TAF4: variants seen among roughly 807,000 people sequenced by gnomAD.
TAF4 encodes TATA-box binding protein associated factor 4.
TAF4 carries 9 observed loss-of-function variants against 90.3 expected under a neutral mutation model. The ratio of observed to expected loss-of-function variants is 0.10; its 90% CI spans 0.06 to 0.17. The LOEUF is 0.17. Among genes scored for constraint, TAF4 ranks in the 10% least tolerant of loss-of-function variants. The pLI is 1.00. For missense variants in TAF4, 1,351 were observed against 1,370.7 expected, an observed-to-expected ratio of 0.99 and a Z score of 0.23; for synonymous variants, 818 against 638.9, an observed-to-expected ratio of 1.28 and a Z score of -4.23.
chr20:62,055,590 G>A (rs948696479), intron 1 of TAF4, among the ~76,000 whole-genome samples: 2 of 152,164 alleles, frequency 1.3e-5, no homozygotes, highest in Non-Finnish European at 2.9e-5. Context: ...TGTACAGGCA[G>A]CCCTACAATA....
rs1265379184 is a variant in TAF4 at position 62,012,827 on chromosome 20, C to T, written c.1629G>A (p.Ser543=). 3.1e-6 allele frequency: 5 copies of T among 1,611,996 alleles called. No individual in the cohort carries two copies. The highest frequency in any genetic ancestry group is 2.2e-5 in the East Asian group (1 of 44,780). ...TVQPSATLQR[S]PGVQPQLVLG... ...CCTGCCCTCTCACCTGGACGCCGGG[C>T]GAGCGCTGCAGGGTTGCACTGGGCT... is the stretch of plus-strand genomic sequence containing the variant. The change falls in exon 3 of 15, where the codon TCG becomes TCA. Residue 543 remains serine (S), a synonymous_variant. Coordinates refer to ENST00000252996, the MANE Select transcript of TAF4 (RefSeq NM_003185.4).
rs2055750234 is a variant in TAF4 at position 62,006,989 on chromosome 20, C to A, written c.1975-231G>T. 2.2e-6 allele frequency: 1 copy of A among 452,088 alleles called. No homozygotes were observed. Among genetic ancestry groups the A allele is most frequent in the Non-Finnish European group, 3.6e-6 (1 of 275,524 alleles). The allele number at this position is 452,088 out of a possible 1,614,324, so 28.0% of individuals were successfully genotyped here. Reference sequence around the variant, plus strand: ...TCCAAAATGTGTTCAAGAAAACAAACAAAAAGAGACATATTTTTAAAAAAC... The same window carrying A: ...TCCAAAATGTGTTCAAGAAAACAAAAAAAAAGAGACATATTTTTAAAAAAC... On this transcript the variant is annotated intron_variant, in intron 6 of 14. Transcript: ENST00000252996. The surrounding 1 kb of genome is among the most constrained non-coding windows in gnomAD (Gnocchi z 7.0).
At chr20:61,999,191 C>T (rs1242638675) in intron 11 of TAF4, 83 bp from the exon 12 acceptor site, 22 of 1,528,364 alleles carry the variant, frequency 1.4e-5, no homozygotes, top group East Asian at 2.3e-5. Flanking sequence ...CTGGACCATC[C>T]GTGCACAACG....
At chr20:62,029,670 G>A (rs552648268) in intron 1 of TAF4, among the ~76,000 whole-genome samples, 18 of 152,318 alleles carry the variant, frequency 1.2e-4, no homozygotes, top group Middle Eastern at 3.4e-3. Flanking sequence ...CACTCTGGGA[G>A]GCCGAGGCAG....
intron 14 of TAF4, among the ~76,000 whole-genome samples, chr20:61,982,712 G>A (rs978135841): frequency 1.1e-4 from 16 of 149,950 alleles, no homozygotes; most frequent in African/African-American, 3.4e-4. Flanking sequence ...CACCCCACCC[G>A]AGAGGAGACA....
chr20:62,022,566 A>T (rs1469713525), intron 1 of TAF4, among the ~76,000 whole-genome samples: 1 of 152,170 alleles, frequency 6.6e-6, no homozygotes, highest in Non-Finnish European at 1.5e-5. Flanking sequence ...ACACGTGGTG[A>T]TGGCCCAGAT....
chr20:61,983,919 CGT>C (rs1226337670), intron 14 of TAF4, among the ~76,000 whole-genome samples: 1 of 152,122 alleles, frequency 6.6e-6, no homozygotes, highest in Non-Finnish European at 1.5e-5. Flanking sequence ...GACGGTCTGA[CGT>C]GTGACAAAGA....
chr20:61,981,870 C>A (rs1488264482), intron 14 of TAF4, among the ~76,000 whole-genome samples: 1 of 105,678 alleles, frequency 9.5e-6, no homozygotes, highest in East Asian at 2.5e-4. Flanking sequence ...AGAGGAGACA[C>A]CAAACTCACA....
At chr20:62,034,970 A>G (rs6061971) in intron 1 of TAF4, among the ~76,000 whole-genome samples, 151,359 of 151,400 alleles carry the variant, frequency 1, 75,659 homozygotes, top group Middle Eastern at 1. Context: ...ACAGGCACCC[A>G]CCACCATGCC....
intron 14 of TAF4, among the ~76,000 whole-genome samples, chr20:61,989,202 C>T (rs1447491919): frequency 3.9e-5 from 6 of 152,064 alleles, no homozygotes; most frequent in South Asian, 2.1e-4. Context: ...ATTTGGGTCC[C>T]GAGCTCTGGC....
At chr20:61,997,465 A>G (rs778888238) in intron 14 of TAF4, 85 bp downstream of exon 14, 9 of 1,342,456 alleles carry the variant, frequency 6.7e-6, no homozygotes, top group Non-Finnish European at 8.7e-6. Flanking sequence ...AAATTCCCCT[A>G]TGTGTGTCCG....
At position 62,065,176 on chromosome 20, in the gene TAF4, G is replaced by T; in HGVS notation, c.635C>A (p.Ala212Glu). ...GTTGTTGACCAGGCTGACAGCAGGT[G>T]CGGCGGCGTGGTGCGAGTTCAGCAG... ...AALLNSHHAA[A>E]PAVSLVNNGP... The change falls in exon 1 of 15, where the codon GCA (alanine) becomes GAA (glutamate). Residue 212 changes from alanine (A) to glutamate (E), a missense_variant. Physicochemically the swap from Ala to Glu is moderately radical, Grantham distance 107. This residue lies in a region of TAF4 where 782 missense variants were observed against 536.6 expected (regional missense o/e 1.46). Coordinates refer to ENST00000252996, the MANE Select transcript of TAF4 (RefSeq NM_003185.4). 8.2e-7 allele frequency: 1 copy of T among 1,213,808 alleles called. No homozygotes were observed. The highest frequency in any genetic ancestry group is 1.1e-6 in the Non-Finnish European group (1 of 950,540). 75.2% of individuals were successfully genotyped at this position (1,213,808 alleles called of 1,614,324 possible).
At chr20:62,048,051 G>A (rs1313902287) in intron 1 of TAF4, among the ~76,000 whole-genome samples, 1 of 152,152 alleles carries the variant, frequency 6.6e-6, no homozygotes, top group African/African-American at 2.4e-5. Context: ...CCCACCCAGA[G>A]TCACAATACG....
In TAF4 at chr20:62,010,012, C is replaced by T. The variant is rs751464083; in HGVS notation, c.1761+34G>A. ...TTCTGACCTGCGCCACGGGCCTGACCGTCTTTGAAGGCACGGAAAGGAGTG... is the reference window on the plus strand; with the variant it reads ...TTCTGACCTGCGCCACGGGCCTGACTGTCTTTGAAGGCACGGAAAGGAGTG... On this transcript the variant is annotated intron_variant, in intron 4 of 14. Coordinates refer to ENST00000252996, the MANE Select transcript of TAF4 (RefSeq NM_003185.4). The surrounding 1 kb of genome is among the most constrained non-coding windows in gnomAD (Gnocchi z 4.5). 6.2e-6 allele frequency: 10 copies of T among 1,610,856 alleles called. No homozygotes were observed. Among genetic ancestry groups the T allele is most frequent in the Admixed American group, 1.7e-5 (1 of 59,996 alleles).
intron 1 of TAF4, among the ~76,000 whole-genome samples, chr20:62,053,632 A>AG (rs1300110344): frequency 6.6e-6 from 1 of 152,202 alleles, no homozygotes; most frequent in South Asian, 2.1e-4. Context: ...CAGATCCACA[A>AG]GGTCTCACCT....
At chr20:62,035,111 C>T (rs1422130475) in intron 1 of TAF4, among the ~76,000 whole-genome samples, 1 of 152,172 alleles carries the variant, frequency 6.6e-6, no homozygotes, top group Non-Finnish European at 1.5e-5. Context: ...TGAGCCACCG[C>T]ACCCGGCCCA....
intron 1 of TAF4, among the ~76,000 whole-genome samples, chr20:62,048,553 G>A (rs925412545): frequency 2.0e-5 from 3 of 152,046 alleles, no homozygotes; most frequent in Admixed American, 6.5e-5. Flanking sequence ...CAGGGTCCTC[G>A]TGTGGGGCCA....
At chr20:62,044,352 A>G (rs549209410) in intron 1 of TAF4, among the ~76,000 whole-genome samples, 38 of 152,350 alleles carry the variant, frequency 2.5e-4, no homozygotes, top group Admixed American at 7.8e-4. Flanking sequence ...AAAAGAATAT[A>G]TGTGTGTATG....
At chr20:62,033,729 C>T (rs2055916733) in intron 1 of TAF4, among the ~76,000 whole-genome samples, 1 of 142,526 alleles carries the variant, frequency 7.0e-6, no homozygotes, top group Non-Finnish European at 1.5e-5. Context: ...AAGAGTGAGA[C>T]TCCGTCTCAA....
Sources: gnomAD v4.1 joint callset for allele counts (sites outside exome capture counted in the v4.1 genomes callset) on GRCh38, gnomAD v4.1.1 for gene constraint, gnomAD v4.1.1 regional missense constraint, Gnocchi (gnomAD v3.1) non-coding constraint, MANE v1.5 for transcripts, NCBI Gene and HGNC (gene_info 2026-07-23, HGNC 2026-07-21) for gene names.